ATP6V0A4: variants seen among roughly 807,000 people sequenced by gnomAD.
The protein encoded by ATP6V0A4 is ATPase H+ transporting V0 subunit a4.
Under a neutral mutation model 107.3 loss-of-function variants are expected in ATP6V0A4, and 86 were observed. That is an observed-to-expected ratio of 0.80 (90% CI 0.67 to 0.96). The LOEUF (loss-of-function observed/expected upper bound fraction) is 0.96. ATP6V0A4 is among the 40% of genes least tolerant of loss of function. The pLI is 0.00. For missense variants in ATP6V0A4, 908 were observed against 1,045.6 expected, an observed-to-expected ratio of 0.87 and a Z score of 1.81; for synonymous variants, 353 against 381.4, an observed-to-expected ratio of 0.93 and a Z score of 0.87.
chr7:138,720,490 A>T (rs1270744633), intron 19 of ATP6V0A4, among the ~76,000 whole-genome samples: 1 of 152,110 alleles, frequency 6.6e-6, no homozygotes, highest in Non-Finnish European at 1.5e-5. Context: ...GAGGAGTCAG[A>T]ACATGCGTGG....
chr7:138,737,552 G>A (rs1805402019), intron 15 of ATP6V0A4, among the ~76,000 whole-genome samples: 1 of 150,368 alleles, frequency 6.7e-6, no homozygotes, highest in African/African-American at 2.4e-5. Flanking sequence ...TGGAGAGGTA[G>A]GAAAGGCAAC....
intron 1 of ATP6V0A4, among the ~76,000 whole-genome samples, chr7:138,793,167 C>T (rs553731558): frequency 9.2e-5 from 14 of 152,090 alleles, no homozygotes; most frequent in African/African-American, 1.9e-4. Flanking sequence ...TGGTGGCACA[C>T]GCCTGTAATC....
intron 7 of ATP6V0A4, among the ~76,000 whole-genome samples, chr7:138,762,060 C>A (rs989956618): frequency 6.6e-6 from 1 of 152,138 alleles, no homozygotes; most frequent in African/African-American, 2.4e-5. Context: ...GTTGTGATAA[C>A]CCATCTGAAC....
At chr7:138,774,001 C>T (rs1436803947) in intron 2 of ATP6V0A4, 1 of 152,366 alleles carries the variant, frequency 6.6e-6, no homozygotes, top group African/African-American at 2.4e-5. Flanking sequence ...GCTCCTTCTC[C>T]TCCCAGGCTC....
At chr7:138,718,279 GGTGTGTGTGTGTGTGTGTGT>G (rs777538832) in intron 19 of ATP6V0A4, among the ~76,000 whole-genome samples, 2 of 12,962 alleles carry the variant, frequency 1.5e-4, no homozygotes, top group South Asian at 4.5e-3. Context: ...AAGGAATGGC[GGTGTGTGTGTGTGTGTGTGT>G]GTGTGTGTGT....
At chr7:138,721,449 G>A (rs1584896903) in intron 19 of ATP6V0A4, among the ~76,000 whole-genome samples, 1 of 152,160 alleles carries the variant, frequency 6.6e-6, no homozygotes, top group Non-Finnish European at 1.5e-5. Flanking sequence ...TGAGGCAGGA[G>A]AATCACTTGA....
At chr7:138,777,661 CACAT>C (rs1460474075) in intron 2 of ATP6V0A4, among the ~76,000 whole-genome samples, 7 of 149,550 alleles carry the variant, frequency 4.7e-5, no homozygotes, top group African/African-American at 1.7e-4. Context: ...CACACACACA[CACAT>C]ATATATTACT....
At chr7:138,786,667 A>G (rs1473584070) in intron 1 of ATP6V0A4, among the ~76,000 whole-genome samples, 1 of 151,698 alleles carries the variant, frequency 6.6e-6, no homozygotes, top group Non-Finnish European at 1.5e-5. Flanking sequence ...AGAGAGAGAG[A>G]CAGATTGAGA....
intron 13 of ATP6V0A4, among the ~76,000 whole-genome samples, chr7:138,745,555 T>C (rs1039224045): frequency 6.6e-6 from 1 of 150,768 alleles, no homozygotes; most frequent in Non-Finnish European, 1.5e-5. Context: ...TGCATGCCTG[T>C]AATCCCAGCT....
intron 1 of ATP6V0A4, among the ~76,000 whole-genome samples, chr7:138,789,296 G>A (rs1808302492): frequency 6.6e-6 from 1 of 151,886 alleles, no homozygotes; most frequent in African/African-American, 2.4e-5. Context: ...TGCCCAGGCT[G>A]GAGTGCAGTG....
At chr7:138,765,659 A>G (rs1056602277) in intron 5 of ATP6V0A4, among the ~76,000 whole-genome samples, 1 of 152,360 alleles carries the variant, frequency 6.6e-6, no homozygotes. Context: ...AGGATTAGTC[A>G]AATCAATCAA....
At position 138,771,262 on chromosome 7, in the gene ATP6V0A4, G is replaced by A. The variant is rs761118342; in HGVS notation, c.-15C>T. ...ACAGACACCATCTTGGCCCAGCCTCGGTCTACAGGAGAAAAAGAAAAAGAT... is the reference window on the plus strand; with the variant it reads ...ACAGACACCATCTTGGCCCAGCCTCAGTCTACAGGAGAAAAAGAAAAAGAT... On this transcript the variant is annotated splice_region_variant and 5_prime_UTR_variant, in exon 3 of 22. Transcript: ENST00000310018. 98 of 1,612,208 alleles carry A rather than the reference G, an allele frequency of 6.1e-5. No homozygotes were observed. Among genetic ancestry groups the A allele is most frequent in the South Asian group, 2.5e-4 (23 of 91,044 alleles).
intron 5 of ATP6V0A4, among the ~76,000 whole-genome samples, chr7:138,765,324 G>A (rs989984516): frequency 9.2e-5 from 14 of 152,058 alleles, no homozygotes; most frequent in African/African-American, 3.1e-4. Flanking sequence ...CACAAAGTTG[G>A]GGGGAAAAGT....
intron 15 of ATP6V0A4, among the ~76,000 whole-genome samples, chr7:138,737,796 T>C (rs549339751): frequency 8.7e-5 from 13 of 149,152 alleles, no homozygotes; most frequent in Admixed American, 2.0e-4. Context: ...GCTCTCACTC[T>C]GGTTGCCTAG....
At position 138,728,774 on chromosome 7, in the gene ATP6V0A4, T is replaced by C. The variant is rs751790951; in HGVS notation, c.1997A>G (p.His666Arg). 8.7e-6 allele frequency: 14 copies of C among 1,614,186 alleles called. 1 individual carries two copies. The South Asian group carries it at 1.4e-4, about 16-fold the overall frequency. ...LIKPFILRAS[H>R]RKSQLQASRI... ...AACAGCCCTTACCTGGGATTTCCGA[T>C]GACTGGCTCTAAGAATAAACGGCTT... The change falls in exon 18 of 22, where the codon CAT becomes CGT. Residue 666 changes from histidine to arginine, a missense_variant. Transcript: ENST00000310018.
chr7:138,737,579 C>CTTTTTTTT (rs373540257), intron 15 of ATP6V0A4, among the ~76,000 whole-genome samples: 40 of 134,654 alleles, frequency 3.0e-4, no homozygotes, highest in African/African-American at 9.8e-4. Context: ...TTTTCTTTTT[C>CTTTTTTTT]TTTTTTTTTT....
intron 18 of ATP6V0A4, 114 bp from the exon 19 acceptor site, chr7:138,722,139 TA>T (rs1804454173): frequency 5.3e-6 from 8 of 1,504,618 alleles, no homozygotes; most frequent in Non-Finnish European, 5.4e-6. Context: ...GACACTGTTC[TA>T]AACACTACAC....
At chr7:138,793,854 T>C (rs1334389395) in intron 1 of ATP6V0A4, among the ~76,000 whole-genome samples, 1 of 152,154 alleles carries the variant, frequency 6.6e-6, no homozygotes, top group Non-Finnish European at 1.5e-5. Context: ...GTCTGGACCA[T>C]AGCTGCACCG....
chr7:138,729,011 T>C, intron 17 of ATP6V0A4, 149 bp from the exon 18 acceptor site: 2 of 1,464,748 alleles, frequency 1.4e-6, no homozygotes. Flanking sequence ...CCTTCACGCC[T>C]GGAATATTCC....
Sources: allele counts gnomAD v4.1 joint callset (sites outside exome capture counted in the v4.1 genomes callset), GRCh38; gene constraint gnomAD v4.1.1; transcripts MANE v1.5; gene names NCBI Gene and HGNC (gene_info 2026-07-23, HGNC 2026-07-21).